NHS: variants seen among roughly 807,000 people sequenced by gnomAD.
NHS encodes the protein NHS actin remodeling regulator.
Under a neutral mutation model 72.5 loss-of-function variants are expected in NHS, and 5 were observed. The ratio of observed to expected loss-of-function variants is 0.07; its 90% CI spans 0.04 to 0.14. The LOEUF (loss-of-function observed/expected upper bound fraction) is 0.14, where lower values mean the gene tolerates loss of function less well. Among genes scored for constraint, NHS ranks in the 10% least tolerant of loss-of-function variants. NHS has a pLI of 1.00. For missense variants in NHS, 1,072 were observed against 1,355.7 expected (o/e 0.79, Z 3.29); for synonymous variants, 464 against 547.7 (o/e 0.85, Z 2.13).
At chrX:17,554,584 C>T (rs1163975245) in intron 1 of NHS, among the ~76,000 whole-genome samples, 1 of 112,579 alleles carries the variant, frequency 8.9e-6, no homozygotes, top group Non-Finnish European at 1.9e-5. Flanking sequence ...TAAGTCAGCT[C>T]CTTCAACGGC....
At chrX:17,712,861 GGA>G (rs1226551940) in intron 3 of NHS, among the ~76,000 whole-genome samples, 1 of 111,474 alleles carries the variant, frequency 9.0e-6, no homozygotes, top group Non-Finnish European at 1.9e-5. Context: ...TGACTGCTGA[GGA>G]GAGAGTGGTG....
In NHS at chrX:17,732,275, C is replaced by G; in HGVS notation, c.4767C>G (p.Ser1589=). 1 of 1,212,104 alleles carries G rather than the reference C, an allele frequency of 8.3e-7. No homozygotes were observed. Among genetic ancestry groups the G allele is most frequent in the Non-Finnish European group, 1.1e-6 (1 of 895,572 alleles). The change falls in exon 9 of 9, where the codon TCC becomes TCG. Residue 1589 remains serine, a synonymous_variant. Coordinates refer to ENST00000676302, the MANE Select transcript of NHS (RefSeq NM_001291867.2). ...CACGAGTTAATGCAGAAGGCTTTTC[C>G]TCGAAGAGCTTTGCCACCTCAGCAT... ...CSPRVNAEGF[S]SKSFATSASA...
chrX:17,555,180 G>GACT (rs954789951), intron 1 of NHS, among the ~76,000 whole-genome samples: 1 of 109,903 alleles, frequency 9.1e-6, no homozygotes, highest in Non-Finnish European at 1.9e-5. Context: ...TGCTGAGGGG[G>GACT]ACTGTGTGAG....
chrX:17,608,900 G>C (rs992002826), intron 1 of NHS, among the ~76,000 whole-genome samples: 1 of 111,871 alleles, frequency 8.9e-6, no homozygotes, highest in African/African-American at 3.2e-5. Flanking sequence ...GACCTAATCA[G>C]CTTGAAACTT....
intron 1 of NHS, among the ~76,000 whole-genome samples, chrX:17,662,123 G>C (rs754937493): frequency 1.7e-3 from 189 of 112,146 alleles, no homozygotes; most frequent in African/African-American, 6.0e-3. Context: ...GAACTTTCCT[G>C]GAGGTCAAGT....
At chrX:17,454,366 G>T (rs1053722423) in intron 1 of NHS, among the ~76,000 whole-genome samples, 1 of 111,830 alleles carries the variant, frequency 8.9e-6, no homozygotes, top group Non-Finnish European at 1.9e-5. Context: ...TCTGGTCAGT[G>T]GTCCTAGTCA....
At chrX:17,406,115 A>G (rs181775260) in intron 1 of NHS, among the ~76,000 whole-genome samples, 5 of 112,268 alleles carry the variant, frequency 4.5e-5, no homozygotes, top group Non-Finnish European at 9.4e-5. Flanking sequence ...AATTTTCTAA[A>G]GCACTTTCCC....
chrX:17,476,091 G>A (rs1270169656), intron 1 of NHS, among the ~76,000 whole-genome samples: 1 of 112,093 alleles, frequency 8.9e-6, no homozygotes, highest in Non-Finnish European at 1.9e-5. Flanking sequence ...GGGAGGGATT[G>A]GCAGAGAAAG....
At chrX:17,481,977 A>G (rs901350336) in intron 1 of NHS, among the ~76,000 whole-genome samples, 1 of 112,415 alleles carries the variant, frequency 8.9e-6, no homozygotes, top group Non-Finnish European at 1.9e-5. Context: ...TGCTGTGTGT[A>G]TCAGTACTTC....
At chrX:17,557,774 G>A (rs181718342) in intron 1 of NHS, among the ~76,000 whole-genome samples, 1 of 111,205 alleles carries the variant, frequency 9.0e-6, no homozygotes, top group Non-Finnish European at 1.9e-5. Flanking sequence ...GGTCCACTTC[G>A]AAGTTTACAC....
At chrX:17,671,277 GA>G (rs2066043775) in intron 1 of NHS, among the ~76,000 whole-genome samples, 1 of 112,028 alleles carries the variant, frequency 8.9e-6, no homozygotes, top group Middle Eastern at 4.6e-3. Context: ...AAAGAGGGGA[GA>G]AAAAAAGCCA....
chrX:17,568,570 C>G (rs1315821006), intron 1 of NHS, among the ~76,000 whole-genome samples: 1 of 104,836 alleles, frequency 9.5e-6, no homozygotes, highest in Non-Finnish European at 1.9e-5. Context: ...CTTGCTCATA[C>G]AAAAGTCTAT....
intron 1 of NHS, among the ~76,000 whole-genome samples, chrX:17,662,640 C>T (rs1401363865): frequency 8.9e-6 from 1 of 112,015 alleles, no homozygotes; most frequent in African/African-American, 3.2e-5. Flanking sequence ...GTTCAGCGCT[C>T]TTATCTAGAC....
intron 1 of NHS, among the ~76,000 whole-genome samples, chrX:17,671,849 G>C (rs1304387103): frequency 8.9e-6 from 1 of 111,811 alleles, no homozygotes; most frequent in African/African-American, 3.3e-5. Context: ...TTACCTAAAA[G>C]TTCCAATGAC....
chrX:17,623,317 G>A (rs2065782961), intron 1 of NHS, among the ~76,000 whole-genome samples: 1 of 111,941 alleles, frequency 8.9e-6, no homozygotes, highest in South Asian at 3.8e-4. Context: ...ATGAGGCAGA[G>A]GCAGTTACTG....
intron 1 of NHS, among the ~76,000 whole-genome samples, chrX:17,408,378 C>T (rs185363069): frequency 4.1e-3 from 455 of 111,526 alleles, no homozygotes; most frequent in Middle Eastern, 0.014. Context: ...CAACTCCCAG[C>T]GTGATGTTTA....
chrX:17,730,029 A>G (rs1231985481), intron 8 of NHS, among the ~76,000 whole-genome samples: 1 of 112,373 alleles, frequency 8.9e-6, no homozygotes, highest in Non-Finnish European at 1.9e-5. Flanking sequence ...AACACCTTCT[A>G]TGTATACCTT....
At chrX:17,607,691 A>G (rs1029167554) in intron 1 of NHS, among the ~76,000 whole-genome samples, 1 of 111,390 alleles carries the variant, frequency 9.0e-6, no homozygotes, top group African/African-American at 3.3e-5. Context: ...GCCACACTCA[A>G]TCAAGTGCTA....
At chrX:17,668,217 C>T (rs1433632554) in intron 1 of NHS, among the ~76,000 whole-genome samples, 3 of 110,706 alleles carry the variant, frequency 2.7e-5, no homozygotes, top group Admixed American at 9.6e-5. Context: ...GCTATGATCA[C>T]GTCACTGCAC....
Sources: allele counts gnomAD v4.1 joint callset (sites outside exome capture counted in the v4.1 genomes callset), GRCh38; gene constraint gnomAD v4.1.1; transcripts MANE v1.5; gene names NCBI Gene and HGNC (gene_info 2026-07-23, HGNC 2026-07-21).